Variants in NAV3 observed in about 807,000 individuals in gnomAD.
NAV3 encodes pore membrane and/or filament interacting like protein 1.
In NAV3, 87 loss-of-function variants were observed where a neutral mutation model predicts 244.7. The ratio of observed to expected loss-of-function variants is 0.36; its 90% CI spans 0.30 to 0.42. The LOEUF (loss-of-function observed/expected upper bound fraction) is 0.42. NAV3 is among the 20% of genes least tolerant of loss of function. The pLI is 1.00. For synonymous variants in NAV3, 1,126 were observed against 1,042.2 expected (o/e 1.08, Z -1.55); for missense variants, 2,663 against 2,893.3 (o/e 0.92, Z 1.83).
chr12:77,595,333 T>C (rs183651160), intron 2 of NAV3, among the ~76,000 whole-genome samples: 4 of 152,260 alleles, frequency 2.6e-5, no homozygotes, highest in African/African-American at 9.6e-5. Flanking sequence ...ATATGTGGAA[T>C]CTTATAAAAT....
chr12:77,936,302 G>T (rs1889323041), intron 1 of NAV3, among the ~76,000 whole-genome samples: 1 of 152,122 alleles, frequency 6.6e-6, no homozygotes, highest in African/African-American at 2.4e-5. Context: ...TTTCTAAGTA[G>T]CCCTCTTGTA....
chr12:77,843,168 C>G (rs1319927095), intron 1 of NAV3, among the ~76,000 whole-genome samples: 1 of 151,988 alleles, frequency 6.6e-6, no homozygotes, highest in Non-Finnish European at 1.5e-5. Flanking sequence ...TTCTTCCTTC[C>G]TTTGGCTGGC....
intron 1 of NAV3, among the ~76,000 whole-genome samples, chr12:77,910,226 C>T (rs1886440723): frequency 6.6e-6 from 1 of 152,048 alleles, no homozygotes; most frequent in African/African-American, 2.4e-5. Flanking sequence ...CCAGCATCTG[C>T]TTCTGATGAG....
intron 2 of NAV3, among the ~76,000 whole-genome samples, chr12:77,824,087 T>C (rs183735614): frequency 6.6e-6 from 1 of 151,950 alleles, no homozygotes; most frequent in African/African-American, 2.4e-5. Flanking sequence ...AGAGTAAATT[T>C]TTTTTTAGAC....
chr12:78,080,729 G>T (rs1222217547), intron 12 of NAV3, among the ~76,000 whole-genome samples: 3 of 152,172 alleles, frequency 2.0e-5, no homozygotes, highest in African/African-American at 7.2e-5. Flanking sequence ...CAGTCACGAG[G>T]TACCCTGGAC....
At chr12:77,945,179 G>T (rs534253246) in intron 3 of NAV3, among the ~76,000 whole-genome samples, 1 of 151,930 alleles carries the variant, frequency 6.6e-6, no homozygotes, top group African/African-American at 2.4e-5. Flanking sequence ...TTTTTGCAAG[G>T]GGGGAAGAAA....
rs748531378 is a variant in NAV3, at chr12:77,766,735, G to GTTTTTTT, written c.73-173554_73-173548dup. On this transcript the variant is annotated intron_variant, in intron 2 of 8. Coordinates refer to the NAV3 transcript ENST00000550042. ...AGGATTCTAAAAAACAGGCAATTAA[G>GTTTTTTT]TTTTTTTTTTTTTTTTTTTTTTTTT... is the stretch of plus-strand genomic sequence containing the variant. 2.1e-4 allele frequency among the ~76,000 whole-genome samples: 13 copies of GTTTTTTT among 60,512 alleles called. 1 individual carries two copies. The highest frequency in any genetic ancestry group is 7.6e-4 in the African/African-American group (12 of 15,830). The allele number at this position is 60,512 out of a possible 152,430, so 39.7% of individuals were successfully genotyped here.
intron 1 of NAV3, among the ~76,000 whole-genome samples, chr12:77,857,821 AC>A (rs1025999229): frequency 1.3e-4 from 19 of 151,578 alleles, no homozygotes; most frequent in African/African-American, 3.1e-4. Flanking sequence ...TGAAAACTGA[AC>A]CCCCCCAAAC....
intron 6 of NAV3, among the ~76,000 whole-genome samples, chr12:77,996,998 T>G (rs1346971698): frequency 6.6e-6 from 1 of 151,978 alleles, no homozygotes; most frequent in East Asian, 1.9e-4. Flanking sequence ...ATCCCAACAC[T>G]TTGGGAGGCT....
At chr12:77,779,296 A>G (rs1215329542) in intron 2 of NAV3, among the ~76,000 whole-genome samples, 1 of 152,234 alleles carries the variant, frequency 6.6e-6, no homozygotes, top group Non-Finnish European at 1.5e-5. Context: ...CTGAAATAAC[A>G]TCTCAAAGGG....
chr12:77,632,384 C>T (rs1546055), intron 2 of NAV3, among the ~76,000 whole-genome samples: 134,059 of 151,956 alleles, frequency 0.88, 59,220 homozygotes, highest in East Asian at 0.97. Context: ...GGGAAGGCCT[C>T]TCAATCATGG....
intron 21 of NAV3, 127 bp from the exon 22 acceptor site, chr12:78,148,715 C>T (rs555162484): frequency 5.6e-6 from 4 of 710,254 alleles, no homozygotes; most frequent in Non-Finnish European, 9.5e-6. Flanking sequence ...CCTTTATTTT[C>T]AGGAGTTGCT....
At chr12:77,922,752 C>T (rs1887830628) in intron 1 of NAV3, among the ~76,000 whole-genome samples, 1 of 152,020 alleles carries the variant, frequency 6.6e-6, no homozygotes, top group South Asian at 2.1e-4. Context: ...CTTTGTTTTT[C>T]TAGAAGACCA....
intron 2 of NAV3, among the ~76,000 whole-genome samples, chr12:77,589,427 A>T (rs931275107): frequency 6.6e-6 from 1 of 152,136 alleles, no homozygotes; most frequent in Admixed American, 6.6e-5. Context: ...CTATAAGGAC[A>T]TACCTAAAAC....
chr12:77,849,702 C>T (rs1877205585), intron 1 of NAV3, among the ~76,000 whole-genome samples: 1 of 152,160 alleles, frequency 6.6e-6, no homozygotes, highest in Non-Finnish European at 1.5e-5. Context: ...ATTAGAAGCA[C>T]TTCTGGTCCC....
At chr12:77,685,775 T>C (rs1157604687) in intron 2 of NAV3, among the ~76,000 whole-genome samples, 1 of 152,170 alleles carries the variant, frequency 6.6e-6, no homozygotes, top group Non-Finnish European at 1.5e-5. Flanking sequence ...CTAAGCCTAA[T>C]GGGTTCCATT....
intron 12 of NAV3, among the ~76,000 whole-genome samples, chr12:78,081,350 G>A (rs1953342129): frequency 1.3e-5 from 2 of 152,254 alleles, no homozygotes; most frequent in East Asian, 1.9e-4. Context: ...GTTCAGTACC[G>A]TAAAGCTCAT....
intron 2 of NAV3, among the ~76,000 whole-genome samples, chr12:77,735,590 A>C (rs1226362413): frequency 6.6e-6 from 1 of 152,126 alleles, no homozygotes; most frequent in Non-Finnish European, 1.5e-5. Flanking sequence ...TCCTTCTTTA[A>C]ATTTTTCAAT....
chr12:77,831,831 T>C (rs1394844031), intron 1 of NAV3, 127 bp downstream of exon 1: 3 of 1,069,374 alleles, frequency 2.8e-6, no homozygotes, highest in Non-Finnish European at 3.9e-6. Flanking sequence ...TAAGTAGTTA[T>C]AATGGCTGAA....
Sources: allele counts gnomAD v4.1 joint callset (sites outside exome capture counted in the v4.1 genomes callset), GRCh38; gene constraint gnomAD v4.1.1; transcripts MANE v1.5; gene names NCBI Gene and HGNC (gene_info 2026-07-23, HGNC 2026-07-21).